IL16: variants seen among roughly 807,000 people sequenced by gnomAD.
IL16 encodes the protein interleukin 16.
A neutral mutation model predicts 110.1 loss-of-function variants in IL16; 67 were observed. The ratio of observed to expected loss-of-function variants is 0.61; its 90% CI spans 0.50 to 0.75. The LOEUF (loss-of-function observed/expected upper bound fraction) is 0.75, where lower values mean the gene tolerates loss of function less well. Ranked by LOEUF, IL16 falls within the 30% of genes least tolerant of loss-of-function variation. IL16 has a pLI of 0.00. For missense variants in IL16, 1,545 were observed against 1,655.0 expected (o/e 0.93, Z 1.15); for synonymous variants, 689 against 662.9 (o/e 1.04, Z -0.61).
rs1896751707 is a variant in IL16, at chr15:81,225,355, A to G, written c.-45A>G. 5.0e-6 allele frequency: 8 copies of G among 1,600,066 alleles called. No homozygotes were observed. Among genetic ancestry groups the G allele is most frequent in the Non-Finnish European group, 6.8e-6 (8 of 1,175,320 alleles). On this transcript the variant is annotated 5_prime_UTR_variant, in exon 2 of 19. Transcript: ENST00000683961. ...AGTGGCCACCCGTCAGCCAAGGGCC[A>G]GAGACCAGGAAAGGAAGAAAGGCAG...
chr15:81,236,512 C>T lies in IL16; in HGVS notation c.312+10801C>T, dbSNP rs146958068. ...TAATCTTCACTTGCTGACTGTCTCCCCAATTCAATGTGATTTCTAGTTGCT... is the reference window on the plus strand; with the variant it reads ...TAATCTTCACTTGCTGACTGTCTCCTCAATTCAATGTGATTTCTAGTTGCT... On this transcript the variant is annotated intron_variant, in intron 2 of 18. Coordinates refer to ENST00000683961, the MANE Select transcript of IL16 (RefSeq NM_172217.5). Among the ~76,000 whole-genome samples the T allele has an allele frequency of 6.6e-5, 10 of 152,290 alleles. No individual in the cohort carries two copies. The East Asian group carries it at 1.9e-3, about 29-fold the overall frequency.
At position 81,230,371 on chromosome 15, in the gene IL16, C is replaced by T. The variant is rs549062462; in HGVS notation, c.312+4660C>T. On this transcript the variant is annotated intron_variant, in intron 2 of 18. Coordinates refer to ENST00000683961, the MANE Select transcript of IL16 (RefSeq NM_172217.5). ...TGGAAGGCAGCTCAGTTAGAGGGAA[C>T]GAAAGGTCAAACTCTCCCTCTCCTC... Among the ~76,000 whole-genome samples, 8 of 152,266 alleles carry T rather than the reference C, an allele frequency of 5.3e-5. No homozygotes were observed. In the East Asian group the frequency reaches 5.8e-4, roughly 11 times the overall value.
intron 1 of IL16, among the ~76,000 whole-genome samples, chr15:81,188,851 G>A (rs1895455798): frequency 6.6e-6 from 1 of 151,952 alleles, no homozygotes; most frequent in Non-Finnish European, 1.5e-5. Flanking sequence ...GGGCTACAAA[G>A]AAAGATATGG....
chr15:81,231,326 CT>C (rs1567008618), intron 2 of IL16, among the ~76,000 whole-genome samples: 69 of 66,000 alleles, frequency 1.0e-3, no homozygotes, highest in African/African-American at 6.1e-3. Context: ...GTCGGTCTGT[CT>C]CTCTCTCTCT....
chr15:81,228,191 T>G (rs1163469782), intron 2 of IL16, among the ~76,000 whole-genome samples: 1 of 152,142 alleles, frequency 6.6e-6, no homozygotes, highest in African/African-American at 2.4e-5. Flanking sequence ...TTGTACCTAT[T>G]CCACAGCAGG....
rs762742919 is a variant in IL16 at position 81,300,276 on chromosome 15, A to G, written c.2950A>G (p.Thr984Ala). Residue 984 changes from threonine to alanine, a missense_variant, in exon 14 of 19, where the codon ACC becomes GCC. Thr to Ala is a moderately conservative substitution (Grantham distance 58). Transcript: ENST00000683961. ...SCETKLLDEK[T>A]SKLYSISSQV... ...TGAGACGAAGCTACTTGACGAAAAGACCAGCAAACTCTATTCTATCAGCAG... is the reference window on the plus strand; with the variant it reads ...TGAGACGAAGCTACTTGACGAAAAGGCCAGCAAACTCTATTCTATCAGCAG... 6.2e-7 allele frequency: 1 copy of G among 1,614,232 alleles called. No individual in the cohort carries two copies. The highest frequency in any genetic ancestry group is 1.3e-5 in the African/African-American group (1 of 75,052).
At chr15:81,214,396 A>T (rs1896351954) in intron 1 of IL16, among the ~76,000 whole-genome samples, 1 of 152,200 alleles carries the variant, frequency 6.6e-6, no homozygotes, top group Non-Finnish European at 1.5e-5. Flanking sequence ...GTTTGGCAGG[A>T]TATGAAATTC....
At chr15:81,187,143 A>T (rs1296981168) in intron 1 of IL16, among the ~76,000 whole-genome samples, 2 of 152,210 alleles carry the variant, frequency 1.3e-5, no homozygotes, top group East Asian at 3.8e-4. Context: ...CCAGGGTGGA[A>T]CTTGACTTCA....
intron 10 of IL16, among the ~76,000 whole-genome samples, chr15:81,286,760 T>C (rs1899468701): frequency 6.6e-6 from 1 of 152,114 alleles, no homozygotes; most frequent in African/African-American, 2.4e-5. Context: ...GAAGGGGCAA[T>C]GTATTAGTCT....
chr15:81,210,107 A>G (rs1028169305), intron 1 of IL16, among the ~76,000 whole-genome samples: 1 of 152,204 alleles, frequency 6.6e-6, no homozygotes, highest in Non-Finnish European at 1.5e-5. Flanking sequence ...ATCCAGAAAC[A>G]TTTATTAAAT....
At chr15:81,283,180 G>T (rs117366768) in intron 9 of IL16, among the ~76,000 whole-genome samples, 2 of 152,330 alleles carry the variant, frequency 1.3e-5, no homozygotes, top group East Asian at 1.9e-4. Flanking sequence ...TCCCGCTGTG[G>T]CCAGCACACC....
intron 2 of IL16, among the ~76,000 whole-genome samples, chr15:81,237,291 T>G (rs1266976189): frequency 6.6e-6 from 1 of 152,080 alleles, no homozygotes; most frequent in Non-Finnish European, 1.5e-5. Flanking sequence ...ATTAAGAAAC[T>G]TACATATTCC....
upstream of IL16, among the ~76,000 whole-genome samples, chr15:81,195,950 A>G (rs1895586562): frequency 6.6e-6 from 1 of 151,586 alleles, no homozygotes; most frequent in Non-Finnish European, 1.5e-5. Flanking sequence ...CCATTCTTTT[A>G]TGCTGCAGTT....
In IL16 at chr15:81,197,080, G is replaced by A. The variant is rs1454370058; in HGVS notation, c.-174G>A. 1 of 1,288,882 alleles carries A rather than the reference G, an allele frequency of 7.8e-7. No individual in the cohort carries two copies. Among genetic ancestry groups the A allele is most frequent in the Non-Finnish European group, 1.0e-6 (1 of 988,556 alleles). 79.8% of individuals were successfully genotyped at this position (1,288,882 alleles called of 1,614,324 possible). A position where few individuals can be genotyped will look rare whatever the true frequency, so the allele number is the denominator to read the frequency against. On this transcript the variant is annotated 5_prime_UTR_variant, in exon 1 of 19. Transcript: ENST00000683961. ...AATAAGTGGTGCTGCAATCCCTGCT[G>A]GGCAGATGGAGAGAGGAGCAAGGGA...
At chr15:81,192,175 C>T (rs896930867), upstream of IL16, among the ~76,000 whole-genome samples, 18 of 152,116 alleles carry the variant, frequency 1.2e-4, no homozygotes, top group African/African-American at 3.4e-4. Context: ...AAAGGTACCA[C>T]GCCAATGCAA....
intron 1 of IL16, among the ~76,000 whole-genome samples, chr15:81,199,632 T>G (rs1347372669): frequency 6.6e-6 from 1 of 152,202 alleles, no homozygotes; most frequent in Non-Finnish European, 1.5e-5. Context: ...AAGACATGGC[T>G]ACCTTGCTCA....
At chr15:81,232,066 T>TTTTTTTTTTTTTTTC (rs1897023208) in intron 2 of IL16, among the ~76,000 whole-genome samples, 1 of 141,696 alleles carries the variant, frequency 7.1e-6, no homozygotes, top group Non-Finnish European at 1.5e-5. Context: ...TTTTTTTTTT[T>TTTTTTTTTTTTTTTC]CTTTTTTTTT....
Position 81,301,350 on chromosome 15 carries a change from A to T in IL16, c.3156A>T (p.Ser1052=). 1 of 1,600,688 alleles carries T rather than the reference A, an allele frequency of 6.2e-7. No homozygotes were observed. ...TTGTTTCTCCTTATGAAAGCCTTTC[A>T]GAGCTGAGAGAATATACAGAGGGTC... The part of the protein sequence containing the change: ...ALDTGFSLNL[S]ELREYTEGLT... Residue 1052 remains serine, a synonymous_variant, in exon 15 of 19, where the codon TCA becomes TCT. Coordinates refer to ENST00000683961, the MANE Select transcript of IL16 (RefSeq NM_172217.5).
At position 81,303,622 on chromosome 15, in the gene IL16, G is replaced by A; in HGVS notation, c.3392G>A (p.Gly1131Glu). 1 of 1,613,738 alleles carries A rather than the reference G, an allele frequency of 6.2e-7. No individual in the cohort carries two copies. Among genetic ancestry groups the A allele is most frequent in the Non-Finnish European group, 8.5e-7 (1 of 1,179,608 alleles). ...GGTCTTGGGTTCAGCTTGGCAGGAG[G>A]AGCAGATCTAGAAAACAAGGTGATT... ...GAGLGFSLAG[G>E]ADLENKVITV... Residue 1131 changes from glycine to glutamate, a missense_variant, in exon 16 of 19, where the codon GGA becomes GAA. Physicochemically the swap from Gly to Glu is moderately conservative, Grantham distance 98. Coordinates refer to ENST00000683961, the MANE Select transcript of IL16 (RefSeq NM_172217.5). The surrounding 1 kb of genome is among the most constrained non-coding windows in gnomAD (Gnocchi z 4.1).
Sources: allele counts gnomAD v4.1 joint callset (sites outside exome capture counted in the v4.1 genomes callset), GRCh38; gene constraint gnomAD v4.1.1; non-coding constraint Gnocchi (gnomAD v3.1); transcripts MANE v1.5; gene names NCBI Gene and HGNC (gene_info 2026-07-23, HGNC 2026-07-21).